The following TPP2 variants were observed in gnomAD, a reference collection of about 807,000 sequenced individuals.
The protein encoded by TPP2 is tripeptidyl peptidase 2.
In TPP2, 34 loss-of-function variants were observed where a neutral mutation model predicts 155.9. The observed-to-expected ratio is 0.22, with a 90% CI of 0.17 to 0.29. The LOEUF is 0.29. Among genes scored for constraint, TPP2 ranks in the 10% least tolerant of loss-of-function variants. The pLI, the probability that TPP2 is intolerant of heterozygous loss-of-function variation, is 1.00. For missense variants in TPP2, 1,028 were observed against 1,522.3 expected, an observed-to-expected ratio of 0.68 and a Z score of 5.40; for synonymous variants, 510 against 529.4, an observed-to-expected ratio of 0.96 and a Z score of 0.50.
intron 1 of TPP2, 34 bp from the exon 2 acceptor site, chr13:102,604,759 C>A (rs1415078360): frequency 1.9e-6 from 3 of 1,598,638 alleles, no homozygotes; most frequent in Non-Finnish European, 1.7e-6. Context: ...AACCTAAAAT[C>A]TACCATTCAT....
chr13:102,654,655 A>G (rs540644286), intron 24 of TPP2, among the ~76,000 whole-genome samples: 5 of 152,296 alleles, frequency 3.3e-5, no homozygotes, highest in African/African-American at 1.2e-4. Context: ...AGGTGTGGGA[A>G]GCTCAGGGAG....
rs1204894359 is a variant in TPP2 at position 102,614,086 on chromosome 13, T to C, written c.295-15T>C. 2.5e-6 allele frequency: 4 copies of C among 1,598,620 alleles called. No homozygotes were observed. Among genetic ancestry groups the C allele is most frequent in the East Asian group, 2.2e-5 (1 of 44,552 alleles). On this transcript the variant is annotated splice_polypyrimidine_tract_variant and intron_variant, in intron 2 of 29. Transcript: ENST00000376052. ...CATTTAGTGAATGAACAGGTTACTC[T>C]TTTTTTTTCTGTAGATTCCTGCAAG...
chr13:102,676,156 A>C (rs1169608149), intron 28 of TPP2, 140 bp from the exon 29 acceptor site: 1 of 766,236 alleles, frequency 1.3e-6, no homozygotes, highest in Non-Finnish European at 1.9e-6. Flanking sequence ...TTCTTTTTCA[A>C]AGTTTTTAAA....
Position 102,664,779 on chromosome 13 carries a change from C to CT in TPP2, c.3241-10dup. On this transcript the variant is annotated splice_polypyrimidine_tract_variant and intron_variant, in intron 26 of 29. Transcript: ENST00000376052. Reference sequence around the variant, plus strand: ...TTGATATACCTATTTTTTATTATTTCTTTTTTCCTCTCCAGGAACGAATGA... The same window carrying CT: ...TTGATATACCTATTTTTTATTATTTCTTTTTTTCCTCTCCAGGAACGAATGA... 4 of 1,606,536 alleles carry CT rather than the reference C, an allele frequency of 2.5e-6. No homozygotes were observed. Among genetic ancestry groups the CT allele is most frequent in the Non-Finnish European group, 3.4e-6 (4 of 1,177,850 alleles).
In TPP2 at chr13:102,618,705, GT is replaced by G; in HGVS notation, c.496-13del. 6.2e-7 allele frequency: 1 copy of G among 1,612,588 alleles called. No homozygotes were observed. Among genetic ancestry groups the G allele is most frequent in the Non-Finnish European group, 8.5e-7 (1 of 1,179,342 alleles). The stretch of plus-strand genomic sequence containing the variant: ...GGACAGAATGTACTAATGTTAATCA[GT>G]TTTCCAACTGACTAGGCAAATAAAC... On this transcript the variant is annotated splice_polypyrimidine_tract_variant and intron_variant, in intron 4 of 29. Coordinates refer to ENST00000376052, the MANE Select transcript of TPP2 (RefSeq NM_001330588.2).
rs1055824948 is a variant in TPP2 at position 102,614,233 on chromosome 13, C to T, written c.390+37C>T. On this transcript the variant is annotated intron_variant, in intron 3 of 29. Transcript: ENST00000376052. ...TCTGGTACCAATGAGTTGTATTCTT[C>T]TGACTTGTCTTCTTCCTCAGATTTT... 5 of 1,458,570 alleles carry T rather than the reference C, an allele frequency of 3.4e-6. No homozygotes were observed. The Admixed American group carries it at 8.3e-5, about 24-fold the overall frequency. 90.4% of individuals were successfully genotyped at this position (1,458,570 alleles called of 1,614,324 possible).
At chr13:102,641,712 C>T (rs1376247932) in intron 16 of TPP2, among the ~76,000 whole-genome samples, 2 of 152,096 alleles carry the variant, frequency 1.3e-5, no homozygotes, top group Non-Finnish European at 2.9e-5. Context: ...AAAATAATAG[C>T]AAAAGCTGAG....
intron 16 of TPP2, among the ~76,000 whole-genome samples, chr13:102,640,995 C>T (rs958245232): frequency 4.6e-5 from 7 of 152,144 alleles, no homozygotes; most frequent in Non-Finnish European, 8.8e-5. Context: ...GCAGCTGTTG[C>T]TTAAACCTCA....
chr13:102,624,514 C>G (rs1316751431), intron 6 of TPP2, among the ~76,000 whole-genome samples: 1 of 152,192 alleles, frequency 6.6e-6, no homozygotes, highest in Non-Finnish European at 1.5e-5. Context: ...CAGCCTTTCT[C>G]CACCCACATC....
chr13:102,622,825 TA>T, intron 5 of TPP2, 51 bp from the exon 6 acceptor site: 1 of 1,553,584 alleles, frequency 6.4e-7, no homozygotes. Flanking sequence ...ACATGATTTT[TA>T]GAAAGGTAAG....
At chr13:102,653,409 T>C (rs540209750) in intron 24 of TPP2, among the ~76,000 whole-genome samples, 1 of 152,320 alleles carries the variant, frequency 6.6e-6, no homozygotes, top group South Asian at 2.1e-4. Flanking sequence ...GTATGTTTTT[T>C]TAAGAGACAG....
intron 15 of TPP2, among the ~76,000 whole-genome samples, chr13:102,639,476 T>C (rs1217987577): frequency 2.0e-5 from 3 of 152,200 alleles, no homozygotes; most frequent in Admixed American, 2.0e-4. Context: ...CCAGGTAATG[T>C]GTAAGACCTT....
At chr13:102,649,377 G>A (rs1944515292) in intron 22 of TPP2, 31 bp from the exon 23 acceptor site, 2 of 1,582,894 alleles carry the variant, frequency 1.3e-6, no homozygotes, top group Non-Finnish European at 8.6e-7. Flanking sequence ...CTCTTTTGTT[G>A]CTTTTTTTCT....
intron 24 of TPP2, among the ~76,000 whole-genome samples, chr13:102,652,408 A>C (rs1883563772): frequency 9.6e-4 from 5 of 5,220 alleles, no homozygotes; most frequent in Non-Finnish European, 1.5e-3. Flanking sequence ...ATATATATAT[A>C]TATATATATA....
chr13:102,630,566 A>G (rs1052005812), intron 10 of TPP2, among the ~76,000 whole-genome samples: 1 of 152,188 alleles, frequency 6.6e-6, no homozygotes, highest in South Asian at 2.1e-4. Context: ...GCTTTTATAA[A>G]GCATCACAGT....
intron 25 of TPP2, among the ~76,000 whole-genome samples, chr13:102,661,774 T>C (rs1219776156): frequency 1.3e-5 from 2 of 152,138 alleles, no homozygotes; most frequent in Non-Finnish European, 2.9e-5. Context: ...AGTCAGATGA[T>C]GAGTTTTGGC....
At chr13:102,658,568 T>A (rs1884001621) in intron 25 of TPP2, among the ~76,000 whole-genome samples, 1 of 152,242 alleles carries the variant, frequency 6.6e-6, no homozygotes, top group African/African-American at 2.4e-5. Flanking sequence ...AAAACAACTT[T>A]TTAAAGCCTC....
At chr13:102,648,033 A>G (rs1182730629) in intron 21 of TPP2, among the ~76,000 whole-genome samples, 1 of 152,180 alleles carries the variant, frequency 6.6e-6, no homozygotes, top group Non-Finnish European at 1.5e-5. Context: ...GTCACATCTC[A>G]TTACAGACTG....
chr13:102,607,251 T>G (rs1490354659), intron 2 of TPP2, among the ~76,000 whole-genome samples: 1 of 152,252 alleles, frequency 6.6e-6, no homozygotes, highest in East Asian at 1.9e-4. Context: ...AGAAGTGTTT[T>G]AGGTTTCAGA....
Sources: gnomAD v4.1 joint callset for allele counts (sites outside exome capture counted in the v4.1 genomes callset) on GRCh38, gnomAD v4.1.1 for gene constraint, MANE v1.5 for transcripts, NCBI Gene and HGNC (gene_info 2026-07-23, HGNC 2026-07-21) for gene names.